The following PKNOX1 variants were observed in gnomAD, a reference collection of about 807,000 sequenced individuals.
The protein encoded by PKNOX1 is homeobox protein PKNOX1.
In PKNOX1, 15 loss-of-function variants were observed where a neutral mutation model predicts 51.9. The ratio of observed to expected loss-of-function variants is 0.29; its 90% CI spans 0.19 to 0.45. The LOEUF (loss-of-function observed/expected upper bound fraction) is 0.45. PKNOX1 is among the 20% of genes least tolerant of loss of function. The pLI is 1.00. For missense variants in PKNOX1, 462 were observed against 547.5 expected (o/e 0.84, Z 1.56); for synonymous variants, 219 against 211.1 (o/e 1.04, Z -0.32).
At chr21:42,994,716 C>G (rs983293554) in intron 1 of PKNOX1, among the ~76,000 whole-genome samples, 1 of 151,970 alleles carries the variant, frequency 6.6e-6, no homozygotes, top group Non-Finnish European at 1.5e-5. Context: ...TGAGCACGTA[C>G]TTCTCAAAAT....
At chr21:43,012,195 C>A (rs1377342207) in intron 4 of PKNOX1, among the ~76,000 whole-genome samples, 1 of 152,236 alleles carries the variant, frequency 6.6e-6, no homozygotes, top group Non-Finnish European at 1.5e-5. Context: ...ATGAAAATGG[C>A]TGCATTATTG....
chr21:42,988,291 C>T (rs570983176), intron 1 of PKNOX1, among the ~76,000 whole-genome samples: 1 of 152,190 alleles, frequency 6.6e-6, no homozygotes, highest in Admixed American at 6.5e-5. Context: ...CCTCATGATC[C>T]GCCCACCTCG....
rs79940036 is a variant in PKNOX1, at chr21:42,995,774, C to A, written c.-56-8552C>A. 4.3e-3 allele frequency among the ~76,000 whole-genome samples: 661 copies of A among 152,214 alleles called. 4 individuals are homozygous for A. Among genetic ancestry groups the A allele is most frequent in the African/African-American group, 0.015 (620 of 41,528 alleles). On this transcript the variant is annotated intron_variant, in intron 1 of 10. Transcript: ENST00000291547. ...TTCACAAACTAGTGTTAGCATCCAT[C>A]GATGATTCCTGTCTGAAACGGCTTA... is the stretch of plus-strand genomic sequence containing the variant.
chr21:43,012,995 T>A (rs1979321359), intron 4 of PKNOX1, 73 bp from the exon 5 acceptor site: 1 of 1,192,238 alleles, frequency 8.4e-7, no homozygotes, highest in Non-Finnish European at 1.2e-6. Context: ...GACTAAGAAC[T>A]GGTATGTAGG....
intron 8 of PKNOX1, 72 bp from the exon 9 acceptor site, chr21:43,024,799 C>T (rs1229338473): frequency 1.1e-6 from 1 of 934,712 alleles, no homozygotes; most frequent in East Asian, 2.4e-5. Context: ...GTAATGCTCA[C>T]ATTTTGCCTA....
At chr21:42,994,686 A>G (rs1332128045) in intron 1 of PKNOX1, among the ~76,000 whole-genome samples, 2 of 152,076 alleles carry the variant, frequency 1.3e-5, no homozygotes. Context: ...TTTGGATATC[A>G]TGGTCATACA....
chr21:43,017,223 AT>A (rs1341048927), intron 6 of PKNOX1: 2 of 349,694 alleles, frequency 5.7e-6, no homozygotes, highest in Non-Finnish European at 1.0e-5. Flanking sequence ...CCAAAAATAT[AT>A]TGGAAAGAAA....
At position 43,021,397 on chromosome 21, in the gene PKNOX1, A is replaced by G; in HGVS notation, c.815A>G (p.Asn272Ser). 6.2e-7 allele frequency: 1 copy of G among 1,613,018 alleles called. No individual in the cohort carries two copies. Among genetic ancestry groups the G allele is most frequent in the South Asian group, 1.1e-5 (1 of 90,930 alleles). ...KRGVLPKHATNVMRSWLFQHI... is the reference protein window; with the variant it reads ...KRGVLPKHATSVMRSWLFQHI... ...GGCGTCCTGCCAAAGCATGCCACGA[A>G]CGTGATGCGGTCCTGGCTCTTCCAG... The change falls in exon 8 of 11, where the codon AAC (asparagine) becomes AGC (serine). Residue 272 changes from asparagine to serine, a missense_variant. Transcript: ENST00000291547. The surrounding 1 kb of genome is among the most constrained non-coding windows in gnomAD (Gnocchi z 4.6).
At chr21:42,983,027 C>T (rs568173237) in intron 1 of PKNOX1, among the ~76,000 whole-genome samples, 19 of 152,244 alleles carry the variant, frequency 1.2e-4, no homozygotes, top group Admixed American at 2.0e-4. Context: ...CCAGGCTGGT[C>T]TCGAACTCCT....
At position 42,997,338 on chromosome 21, in the gene PKNOX1, C is replaced by T. The variant is rs535482879; in HGVS notation, c.-56-6988C>T. The stretch of plus-strand genomic sequence containing the variant: ...GATGGAGGTTGGCTCAGACACAGTG[C>T]GTGGCCTCGGGAGCCTTACGTTCCA... On this transcript the variant is annotated intron_variant, in intron 1 of 10. Coordinates refer to ENST00000291547, the MANE Select transcript of PKNOX1 (RefSeq NM_004571.5). 3.6e-4 allele frequency among the ~76,000 whole-genome samples: 55 copies of T among 152,276 alleles called. No homozygotes were observed. In the South Asian group the frequency reaches 8.7e-3, roughly 24 times the overall value.
At position 43,007,579 on chromosome 21, in the gene PKNOX1, C is replaced by G. The variant is rs1012629033; in HGVS notation, c.140C>G (p.Ser47Cys). The G allele has an allele frequency of 6.2e-7, 1 of 1,614,060 alleles. No homozygotes were observed. The highest frequency in any genetic ancestry group is 1.3e-5 in the African/African-American group (1 of 74,926). The change falls in exon 3 of 11, where the codon TCT becomes TGT. Residue 47 changes from serine (S) to cysteine (C), a missense_variant. Transcript: ENST00000291547. The stretch of plus-strand genomic sequence containing the variant: ...GGAGTGAGCCCTCCCCCTGTGGAGT[C>G]TCAGACCCCGATGGATGTGGACAAG... ...AEGVSPPPVESQTPMDVDKQA... is the reference protein window; with the variant it reads ...AEGVSPPPVECQTPMDVDKQA...
At chr21:43,002,359 C>G (rs1298376881) in intron 1 of PKNOX1, among the ~76,000 whole-genome samples, 2 of 152,134 alleles carry the variant, frequency 1.3e-5, no homozygotes, top group Non-Finnish European at 2.9e-5. Flanking sequence ...TGGCCCCACT[C>G]TTGTACCCAT....
chr21:42,991,728 C>T (rs1334052943), intron 1 of PKNOX1, among the ~76,000 whole-genome samples: 1 of 82,788 alleles, frequency 1.2e-5, no homozygotes, highest in Non-Finnish European at 2.5e-5. Flanking sequence ...AGCGAGACTC[C>T]GTCTCAAAAA....
At position 43,029,881 on chromosome 21, in the gene PKNOX1, C is replaced by A. The variant is rs1416870008; in HGVS notation, c.1100-9C>A. 2 of 1,609,176 alleles carry A rather than the reference C, an allele frequency of 1.2e-6. No individual in the cohort carries two copies. The highest frequency in any genetic ancestry group is 4.5e-5 in the East Asian group (2 of 44,730). Reference sequence around the variant, plus strand: ...ATTTAAATAATGACACACCTTCATCCTGCCGCAGGAGCTGTTGTCACCATC... The same window carrying A: ...ATTTAAATAATGACACACCTTCATCATGCCGCAGGAGCTGTTGTCACCATC... On this transcript the variant is annotated splice_polypyrimidine_tract_variant and intron_variant, in intron 10 of 10. Transcript: ENST00000291547.
intron 1 of PKNOX1, among the ~76,000 whole-genome samples, chr21:42,993,977 C>G (rs1978366323): frequency 6.7e-6 from 1 of 150,154 alleles, no homozygotes; most frequent in South Asian, 2.1e-4. Flanking sequence ...AGGTGATCCA[C>G]TGGCTCAGCC....
intron 1 of PKNOX1, among the ~76,000 whole-genome samples, chr21:43,002,474 G>A (rs1379267676): frequency 1.4e-5 from 2 of 138,944 alleles, no homozygotes; most frequent in Non-Finnish European, 3.0e-5. Flanking sequence ...TGTGCCCTTT[G>A]ACTGCACCCC....
intron 10 of PKNOX1, 109 bp downstream of exon 10, chr21:43,028,983 G>A (rs754378039): frequency 3.6e-6 from 4 of 1,119,866 alleles, no homozygotes; most frequent in Admixed American, 1.9e-5. Context: ...TGTGGTGAAC[G>A]AGAGTGCGTG....
chr21:43,004,237 CAAA>C, intron 1 of PKNOX1, 86 bp from the exon 2 acceptor site: 2 of 486,172 alleles, frequency 4.1e-6, no homozygotes, highest in South Asian at 2.5e-5. Context: ...AACTCGGTCT[CAAA>C]AAAAAAAAAT....
At chr21:42,987,404 A>AAAAATATATATATATATATAT in intron 1 of PKNOX1, among the ~76,000 whole-genome samples, 3 of 41,410 alleles carry the variant, frequency 7.2e-5, no homozygotes, top group East Asian at 4.1e-4. Flanking sequence ...AAAAAAAAAA[A>AAAAATATATATATATATATAT]ATATATATAT....
Sources: allele counts gnomAD v4.1 joint callset (sites outside exome capture counted in the v4.1 genomes callset), GRCh38; gene constraint gnomAD v4.1.1; non-coding constraint Gnocchi (gnomAD v3.1); transcripts MANE v1.5; gene names NCBI Gene and HGNC (gene_info 2026-07-23, HGNC 2026-07-21).